The following NELL1 variants were observed in gnomAD, a reference collection of about 807,000 sequenced individuals.
The protein encoded by NELL1 is protein kinase C-binding protein NELL1.
In NELL1, 76 loss-of-function variants were observed where a neutral mutation model predicts 107.4. That is an observed-to-expected ratio of 0.71 (90% CI 0.59 to 0.86). The LOEUF (loss-of-function observed/expected upper bound fraction) is 0.86. Among genes scored for constraint, NELL1 ranks in the 40% least tolerant of loss-of-function variants. NELL1 has a pLI of 0.00. For synonymous variants in NELL1, 353 were observed against 341.2 expected (o/e 1.03, Z -0.38); for missense variants, 1,024 against 1,005.5 (o/e 1.02, Z -0.25).
chr11:21,012,343 C>T (rs1852466000), intron 12 of NELL1, among the ~76,000 whole-genome samples: 1 of 152,128 alleles, frequency 6.6e-6, no homozygotes, highest in African/African-American at 2.4e-5. Flanking sequence ...TTCAAGACCA[C>T]ACAGTTTTCT....
At chr11:21,071,292 A>C (rs539901114) in intron 12 of NELL1, among the ~76,000 whole-genome samples, 1 of 152,216 alleles carries the variant, frequency 6.6e-6, no homozygotes, top group Non-Finnish European at 1.5e-5. Flanking sequence ...TAAACATTGC[A>C]GTAACTCCAG....
chr11:21,201,938 T>G (rs1857279034), intron 13 of NELL1, among the ~76,000 whole-genome samples: 1 of 152,218 alleles, frequency 6.6e-6, no homozygotes, highest in East Asian at 1.9e-4. Context: ...TTTATTGATT[T>G]GTGTATGTTG....
rs1180902272 is a variant in NELL1, at chr11:20,674,441, C to T, written c.56-3491C>T. ...CCTCATGAGTCTGGTGTAACAGGTACCAGTATCTTTTTACACACGGTAACC... is the reference window on the plus strand; with the variant it reads ...CCTCATGAGTCTGGTGTAACAGGTATCAGTATCTTTTTACACACGGTAACC... On this transcript the variant is annotated intron_variant, in intron 1 of 19. Coordinates refer to ENST00000357134, the MANE Select transcript of NELL1 (RefSeq NM_006157.5). 8 of 1,411,572 alleles carry T rather than the reference C, an allele frequency of 5.7e-6. No homozygotes were observed. In the South Asian group the frequency reaches 9.8e-5, roughly 17 times the overall value. 87.4% of individuals were successfully genotyped at this position (1,411,572 alleles called of 1,614,324 possible).
At chr11:21,259,726 A>G (rs1858858141) in intron 14 of NELL1, among the ~76,000 whole-genome samples, 1 of 151,816 alleles carries the variant, frequency 6.6e-6, no homozygotes, top group Admixed American at 6.6e-5. Flanking sequence ...ACTATAGTCC[A>G]TAGACCTTTT....
intron 13 of NELL1, among the ~76,000 whole-genome samples, chr11:21,197,698 G>A (rs1857184682): frequency 6.6e-6 from 1 of 152,118 alleles, no homozygotes; most frequent in Admixed American, 6.6e-5. Flanking sequence ...GCAGTGTGAG[G>A]CAACTGATAA....
At chr11:21,433,415 A>G (rs1853020625) in intron 15 of NELL1, among the ~76,000 whole-genome samples, 1 of 152,162 alleles carries the variant, frequency 6.6e-6, no homozygotes, top group South Asian at 2.1e-4. Flanking sequence ...ATGCTGGGTC[A>G]TAGGTAGTTT....
intron 5 of NELL1, among the ~76,000 whole-genome samples, chr11:20,916,921 T>C (rs1850271037): frequency 6.6e-6 from 1 of 151,948 alleles, no homozygotes; most frequent in Admixed American, 6.6e-5. Context: ...GGCTAACTTA[T>C]TGCCTAAGTC....
At chr11:21,233,228 C>T (rs996992740) in intron 14 of NELL1, among the ~76,000 whole-genome samples, 2 of 152,294 alleles carry the variant, frequency 1.3e-5, no homozygotes, top group Admixed American at 6.5e-5. Context: ...GTGCAAGACA[C>T]CTTGATGTGT....
At chr11:21,383,082 A>G (rs1851648103) in intron 15 of NELL1, among the ~76,000 whole-genome samples, 1 of 152,024 alleles carries the variant, frequency 6.6e-6, no homozygotes, top group African/African-American at 2.4e-5. Flanking sequence ...ATTGAAGCCA[A>G]TAGCCTAACT....
chr11:21,264,071 GGTGTGT>G (rs10525326), intron 14 of NELL1, among the ~76,000 whole-genome samples: 1 of 139,436 alleles, frequency 7.2e-6, no homozygotes, highest in Non-Finnish European at 1.6e-5. Context: ...TCTACAATGG[GGTGTGT>G]GTGTGTGTGT....
chr11:21,453,265 T>C (rs918528648), intron 15 of NELL1, among the ~76,000 whole-genome samples: 2 of 152,146 alleles, frequency 1.3e-5, no homozygotes, highest in African/African-American at 4.8e-5. Context: ...TTTTATCAGT[T>C]ATTGCTTCAC....
At chr11:21,405,495 G>A (rs1852213796) in intron 15 of NELL1, among the ~76,000 whole-genome samples, 1 of 152,118 alleles carries the variant, frequency 6.6e-6, no homozygotes, top group Non-Finnish European at 1.5e-5. Flanking sequence ...CAATGGAAAT[G>A]TTTCCTATGA....
At chr11:20,834,295 C>G (rs1299366014) in intron 3 of NELL1, among the ~76,000 whole-genome samples, 1 of 152,054 alleles carries the variant, frequency 6.6e-6, no homozygotes, top group East Asian at 1.9e-4. Context: ...AAAGACAATG[C>G]TTAGGTTTTT....
intron 12 of NELL1, among the ~76,000 whole-genome samples, chr11:20,993,300 G>A (rs1290845791): frequency 6.6e-6 from 1 of 152,082 alleles, no homozygotes; most frequent in Non-Finnish European, 1.5e-5. Context: ...ACCACAATGG[G>A]TTCCTTGTGG....
rs12577843 is a variant in NELL1, at chr11:21,401,309, G to C, written c.1645+30361G>C. On this transcript the variant is annotated intron_variant, in intron 15 of 19. Coordinates refer to ENST00000357134, the MANE Select transcript of NELL1 (RefSeq NM_006157.5). ...TCCTGGAAACCATAAAGCTATCCAGGTACAATGTAAGAAACAGATAATTAA... is the reference window on the plus strand; with the variant it reads ...TCCTGGAAACCATAAAGCTATCCAGCTACAATGTAAGAAACAGATAATTAA... Among the ~76,000 whole-genome samples, 111 of 151,890 alleles carry C rather than the reference G, an allele frequency of 7.3e-4. 2 individuals carry two copies. The East Asian group carries it at 0.02, about 27-fold the overall frequency.
chr11:21,418,770 TAG>T (rs1852582890), intron 15 of NELL1, among the ~76,000 whole-genome samples: 7 of 152,118 alleles, frequency 4.6e-5, no homozygotes, highest in Non-Finnish European at 8.8e-5. Context: ...AGCCATTGCA[TAG>T]TTCAGCTACC....
At chr11:21,427,257 A>T (rs1852845534) in intron 15 of NELL1, among the ~76,000 whole-genome samples, 1 of 152,184 alleles carries the variant, frequency 6.6e-6, no homozygotes, top group East Asian at 1.9e-4. Context: ...TTGTTTTGGC[A>T]ACTGTAACAT....
chr11:21,382,492 A>C (rs1287587083), intron 15 of NELL1, among the ~76,000 whole-genome samples: 1 of 151,998 alleles, frequency 6.6e-6, no homozygotes, highest in Non-Finnish European at 1.5e-5. Flanking sequence ...CACATGGTCC[A>C]TTCTTTTGAT....
intron 15 of NELL1, among the ~76,000 whole-genome samples, chr11:21,499,776 G>C (rs1354351481): frequency 6.6e-6 from 1 of 152,118 alleles, no homozygotes; most frequent in East Asian, 1.9e-4. Flanking sequence ...CACAGGTTTA[G>C]TAAAGGCTTT....
Sources: allele counts gnomAD v4.1 joint callset (sites outside exome capture counted in the v4.1 genomes callset), GRCh38; gene constraint gnomAD v4.1.1; transcripts MANE v1.5; gene names NCBI Gene and HGNC (gene_info 2026-07-23, HGNC 2026-07-21).